The following PXDNL variants were observed in gnomAD, a reference collection of about 807,000 sequenced individuals.
The protein encoded by PXDNL is peroxidasin like.
PXDNL carries 145 observed loss-of-function variants against 150.8 expected under a neutral mutation model. The observed-to-expected ratio is 0.96, with a 90% confidence interval of 0.84 to 1.10. PXDNL has a LOEUF of 1.10. Ranked by LOEUF, PXDNL falls within the 50% of genes least tolerant of loss-of-function variation. PXDNL has a pLI of 0.00. For missense variants in PXDNL, 2,087 were observed against 1,873.9 expected, an observed-to-expected ratio of 1.11 and a Z score of -2.10; for synonymous variants, 757 against 725.7, an observed-to-expected ratio of 1.04 and a Z score of -0.69.
intron 20 of PXDNL, among the ~76,000 whole-genome samples, chr8:51,345,447 T>C (rs1806120325): frequency 6.6e-6 from 1 of 152,216 alleles, no homozygotes; most frequent in Non-Finnish European, 1.5e-5. Context: ...ATTCATGAAT[T>C]CAAATCAACT....
rs190689815 is a variant in PXDNL at position 51,664,817 on chromosome 8, C to T, written c.165-10057G>A. ...GCCTGTCTGCATGGCTGTCACCCAT[C>T]TCCACACCCTGGCCTCCCCCAGCCC... is the stretch of plus-strand genomic sequence containing the variant. On this transcript the variant is annotated intron_variant, in intron 1 of 22. Transcript: ENST00000356297. 5.0e-3 allele frequency among the ~76,000 whole-genome samples: 756 copies of T among 152,206 alleles called. 4 individuals carry two copies. Among genetic ancestry groups the T allele is most frequent in the Middle Eastern group, 0.014 (4 of 294 alleles).
chr8:51,434,982 T>C (rs1809356194), intron 12 of PXDNL, among the ~76,000 whole-genome samples: 1 of 152,188 alleles, frequency 6.6e-6, no homozygotes, highest in African/African-American at 2.4e-5. Flanking sequence ...AAGTGCTCTG[T>C]CCTTTCCACA....
intron 1 of PXDNL, among the ~76,000 whole-genome samples, chr8:51,788,011 A>G (rs1026110607): frequency 1.4e-4 from 21 of 152,360 alleles, no homozygotes; most frequent in South Asian, 4.1e-4. Flanking sequence ...TCCAATGATC[A>G]TCAGCATGTT....
chr8:51,687,164 G>A (rs144625574), intron 1 of PXDNL, among the ~76,000 whole-genome samples: 312 of 152,068 alleles, frequency 2.1e-3, no homozygotes, highest in Admixed American at 4.1e-3. Flanking sequence ...AAATATATAC[G>A]TTTCTACTTA....
Position 51,409,383 on chromosome 8 carries a change from G to T in PXDNL, c.2241C>A (p.Thr747=), listed in dbSNP as rs1347512357. Reference sequence around the variant, plus strand: ...CTGGCTGCAGCAGGCGCGCGAAGGCGGTCAGCGCCGCGCCCCACGTGGGCT... The same window carrying T: ...CTGGCTGCAGCAGGCGCGCGAAGGCTGTCAGCGCCGCGCCCCACGTGGGCT... ...LQQPTWGAAL[T]AFARLLQPAY... is the part of the protein sequence containing the mutation. The change falls in exon 17 of 23, where the codon ACC becomes ACA. Residue 747 remains threonine (T), a synonymous_variant. Coordinates refer to ENST00000356297, the MANE Select transcript of PXDNL (RefSeq NM_144651.5). 1 of 1,593,050 alleles carries T rather than the reference G, an allele frequency of 6.3e-7. No homozygotes were observed. Among genetic ancestry groups the T allele is most frequent in the Non-Finnish European group, 8.5e-7 (1 of 1,172,152 alleles).
At chr8:51,325,869 G>A (rs1195538420) in intron 21 of PXDNL, among the ~76,000 whole-genome samples, 2 of 152,314 alleles carry the variant, frequency 1.3e-5, no homozygotes, top group East Asian at 3.9e-4. Context: ...TCTTGCTGGA[G>A]GTGGGGGCCA....
intron 1 of PXDNL, among the ~76,000 whole-genome samples, chr8:51,689,715 A>G (rs1815949421): frequency 6.6e-6 from 1 of 152,200 alleles, no homozygotes; most frequent in African/African-American, 2.4e-5. Context: ...GTTATGTCCT[A>G]GCAACTTTGA....
intron 4 of PXDNL, among the ~76,000 whole-genome samples, chr8:51,547,933 A>C (rs532982834): frequency 1.3e-5 from 2 of 152,158 alleles, no homozygotes; most frequent in South Asian, 4.1e-4. Context: ...GATATTTTTT[A>C]AAAATACAGA....
intron 19 of PXDNL, among the ~76,000 whole-genome samples, chr8:51,357,954 C>G (rs1806568668): frequency 2.0e-5 from 3 of 152,128 alleles, no homozygotes; most frequent in African/African-American, 7.2e-5. Flanking sequence ...TGAAGCAACT[C>G]TAAATCATGC....
intron 1 of PXDNL, among the ~76,000 whole-genome samples, chr8:51,773,102 A>T (rs12675907): frequency 0.12 from 17,696 of 152,252 alleles, 1,260 homozygotes; most frequent in East Asian, 0.17. Flanking sequence ...AATAGGATGA[A>T]CTATGGATAT....
At chr8:51,779,316 G>A (rs1033831143) in intron 1 of PXDNL, among the ~76,000 whole-genome samples, 7 of 152,174 alleles carry the variant, frequency 4.6e-5, no homozygotes, top group Admixed American at 2.6e-4. Context: ...ATGATCTGAC[G>A]GCGAGGCGAA....
chr8:51,562,351 T>G (rs1043888313), intron 3 of PXDNL, among the ~76,000 whole-genome samples: 6 of 152,078 alleles, frequency 3.9e-5, no homozygotes, highest in Admixed American at 3.9e-4. Context: ...TTCATTAAAT[T>G]TATTTAGATA....
At chr8:51,715,061 C>G (rs1299144129) in intron 1 of PXDNL, among the ~76,000 whole-genome samples, 5 of 152,138 alleles carry the variant, frequency 3.3e-5, no homozygotes, top group Admixed American at 6.6e-5. Context: ...CTTTAAAAGG[C>G]CTCTGTTGCT....
intron 1 of PXDNL, among the ~76,000 whole-genome samples, chr8:51,707,234 A>C (rs1224145710): frequency 6.6e-6 from 1 of 152,236 alleles, no homozygotes; most frequent in African/African-American, 2.4e-5. Flanking sequence ...AGGCAGACAC[A>C]TGACAAGCAG....
At chr8:51,758,532 C>A (rs753251413) in intron 1 of PXDNL, among the ~76,000 whole-genome samples, 16 of 152,198 alleles carry the variant, frequency 1.1e-4, no homozygotes, top group Non-Finnish European at 2.4e-4. Flanking sequence ...TCCCCATAAT[C>A]CCCATGTGTC....
chr8:51,366,699 G>C (rs1351296543), intron 19 of PXDNL, among the ~76,000 whole-genome samples: 1 of 152,192 alleles, frequency 6.6e-6, no homozygotes, highest in Non-Finnish European at 1.5e-5. Context: ...TGTACAGTAG[G>C]ACCTGACAGT....
intron 17 of PXDNL, among the ~76,000 whole-genome samples, chr8:51,405,573 G>T (rs1808414151): frequency 6.6e-6 from 1 of 152,184 alleles, no homozygotes; most frequent in Non-Finnish European, 1.5e-5. Context: ...ATAAGATAAA[G>T]AAATACTTTG....
chr8:51,496,595 G>T (rs28778942), intron 5 of PXDNL, among the ~76,000 whole-genome samples: 5,871 of 152,114 alleles, frequency 0.039, 359 homozygotes, highest in African/African-American at 0.13. Context: ...CAAGATACAG[G>T]ATACAAAATC....
chr8:51,531,534 C>T (rs7817176), intron 4 of PXDNL, among the ~76,000 whole-genome samples: 16,736 of 152,122 alleles, frequency 0.11, 1,718 homozygotes, highest in African/African-American at 0.26. Context: ...GGGCTCAGGC[C>T]GGTCCCCAGG....
Sources: allele counts gnomAD v4.1 joint callset (sites outside exome capture counted in the v4.1 genomes callset), GRCh38; gene constraint gnomAD v4.1.1; transcripts MANE v1.5; gene names NCBI Gene and HGNC (gene_info 2026-07-23, HGNC 2026-07-21).